Variants in PCDHA8 observed in about 807,000 individuals in gnomAD.
PCDHA8 encodes the protein protocadherin alpha-8.
A neutral mutation model predicts 61.8 loss-of-function variants in PCDHA8; 53 were observed. That is an observed-to-expected ratio of 0.86 (90% CI 0.69 to 1.08). The LOEUF (loss-of-function observed/expected upper bound fraction) is 1.08. Ranked by LOEUF, PCDHA8 falls within the 50% of genes least tolerant of loss-of-function variation. The pLI is 0.00. For synonymous variants in PCDHA8, 618 were observed against 556.6 expected, an observed-to-expected ratio of 1.11 and a Z score of -1.55; for missense variants, 1,293 against 1,245.0, an observed-to-expected ratio of 1.04 and a Z score of -0.58.
chr5:140,877,321 G>A (rs1554169599), intron 1 of PCDHA8: 2 of 1,614,000 alleles, frequency 1.2e-6, no homozygotes, highest in South Asian at 2.2e-5. Context: ...GGCGGCGGTC[G>A]GCGCGCACAT....
rs2098417240 is a variant in PCDHA8 at position 141,010,418 on chromosome 5, G to A, written c.*481G>A. Reference sequence around the variant, plus strand: ...AGCCAGCTTAGACTAATTGGTACAAGGAAGGCAAGAAAACAAAGACAAATA... The same window carrying A: ...AGCCAGCTTAGACTAATTGGTACAAAGAAGGCAAGAAAACAAAGACAAATA... On this transcript the variant is annotated 3_prime_UTR_variant, in exon 4 of 4. Coordinates refer to ENST00000531613, the MANE Select transcript of PCDHA8 (RefSeq NM_018911.3). The A allele has an allele frequency of 3.4e-6, 4 of 1,168,142 alleles. No homozygotes were observed. The East Asian group carries it at 1.0e-4, about 30-fold the overall frequency. The allele number at this position is 1,168,142 out of a possible 1,614,324, so 72.4% of individuals were successfully genotyped here. A position where few individuals can be genotyped will look rare whatever the true frequency, so the allele number is the denominator to read the frequency against.
In PCDHA8 at chr5:141,010,237, G is replaced by C; in HGVS notation, c.*300G>C. 2.6e-6 allele frequency: 4 copies of C among 1,551,914 alleles called. No individual in the cohort carries two copies. The highest frequency in any genetic ancestry group is 3.5e-6 in the Non-Finnish European group (4 of 1,147,042). On this transcript the variant is annotated 3_prime_UTR_variant, in exon 4 of 4. Coordinates refer to ENST00000531613, the MANE Select transcript of PCDHA8 (RefSeq NM_018911.3). ...AGAGGCTTCCCAGCCCCGCCAGTGA[G>C]AGGTTGGACTCTCTGCCCTGTGCTC...
Position 140,841,814 on chromosome 5 carries a change from A to G in PCDHA8, c.493A>G (p.Asn165Asp). 6.2e-7 allele frequency: 1 copy of G among 1,613,908 alleles called. No individual in the cohort carries two copies. Among genetic ancestry groups the G allele is most frequent in the Non-Finnish European group, 8.5e-7 (1 of 1,179,870 alleles). Reference protein sequence around the residue: ...EGASDADVGANSVLTYRLSSH... With the variant: ...EGASDADVGADSVLTYRLSSH... ...CGCGTCCGATGCAGATGTTGGAGCT[A>G]ACTCCGTGTTAACCTACAGGCTTAG... Residue 165 changes from asparagine (N) to aspartate (D), a missense_variant, in exon 1 of 4, where the codon AAC becomes GAC. Coordinates refer to ENST00000531613, the MANE Select transcript of PCDHA8 (RefSeq NM_018911.3).
chr5:140,856,448 G>GT (rs1562509895), intron 1 of PCDHA8: 1 of 1,598,390 alleles, frequency 6.3e-7, no homozygotes, highest in East Asian at 2.2e-5. Flanking sequence ...CAGGTTCTCC[G>GT]TAACAGAACA....
chr5:140,933,739 G>A (rs531821370), intron 1 of PCDHA8, among the ~76,000 whole-genome samples: 18 of 151,856 alleles, frequency 1.2e-4, no homozygotes, highest in Admixed American at 3.9e-4. Flanking sequence ...TTAAATATTT[G>A]GTAGAATTCA....
chr5:140,927,907 G>T, intron 1 of PCDHA8: 1 of 1,614,156 alleles, frequency 6.2e-7, no homozygotes, highest in Non-Finnish European at 8.5e-7. Context: ...TCATGCCCCC[G>T]AACTGGACTT....
At chr5:140,940,139 C>G (rs984432706) in intron 1 of PCDHA8, among the ~76,000 whole-genome samples, 16 of 152,010 alleles carry the variant, frequency 1.1e-4, no homozygotes, top group Admixed American at 1.0e-3. Context: ...TAGTGATAAA[C>G]TATTATAGTT....
At chr5:140,919,254 T>A (rs1554198989) in intron 1 of PCDHA8, among the ~76,000 whole-genome samples, 1 of 152,266 alleles carries the variant, frequency 6.6e-6, no homozygotes. Context: ...CTGTTTTGTC[T>A]GATATTAGTG....
chr5:141,007,311 G>T (rs1268953957), intron 3 of PCDHA8, among the ~76,000 whole-genome samples: 1 of 151,596 alleles, frequency 6.6e-6, no homozygotes, highest in Non-Finnish European at 1.5e-5. Context: ...AGCATTTTGG[G>T]AGGCTAAAGT....
intron 1 of PCDHA8, among the ~76,000 whole-genome samples, chr5:140,889,657 C>T (rs1411654885): frequency 2.0e-5 from 3 of 152,128 alleles, no homozygotes; most frequent in African/African-American, 7.2e-5. Context: ...GAGATGTCCT[C>T]TTCCCAGCCT....
intron 1 of PCDHA8, chr5:140,866,843 TAAC>T (rs1212569386): frequency 2.6e-5 from 4 of 152,142 alleles, no homozygotes; most frequent in African/African-American, 9.7e-5. Flanking sequence ...CAAAATCAGT[TAAC>T]AATAACTGTA....
intron 1 of PCDHA8, chr5:140,870,384 G>A: frequency 6.2e-7 from 1 of 1,614,230 alleles, no homozygotes; most frequent in African/African-American, 1.3e-5. Context: ...TGACTGCGCG[G>A]GATGGGGGTT....
chr5:140,998,220 C>G (rs1554256199), intron 3 of PCDHA8, among the ~76,000 whole-genome samples: 1 of 152,106 alleles, frequency 6.6e-6, no homozygotes, highest in African/African-American at 2.4e-5. Context: ...ATAACCACAC[C>G]CAGAAATTTG....
chr5:140,925,124 A>AGG (rs1554202565), intron 1 of PCDHA8, among the ~76,000 whole-genome samples: 1 of 151,856 alleles, frequency 6.6e-6, no homozygotes, highest in African/African-American at 2.4e-5. Flanking sequence ...GAAGGAAGGA[A>AGG]AAAAAATTTC....
chr5:140,884,441 G>A, intron 1 of PCDHA8: 2 of 1,613,812 alleles, frequency 1.2e-6, no homozygotes, highest in Non-Finnish European at 1.7e-6. Flanking sequence ...GCGGTGCTCG[G>A]CACCGCCCAC....
At chr5:140,866,951 G>C (rs1207354253) in intron 1 of PCDHA8, 1 of 152,106 alleles carries the variant, frequency 6.6e-6, no homozygotes, top group African/African-American at 2.4e-5. Flanking sequence ...CTAGGGGCTG[G>C]TTGAGATGGT....
intron 1 of PCDHA8, chr5:140,876,989 G>T (rs781957201): frequency 1.2e-6 from 2 of 1,612,664 alleles, no homozygotes; most frequent in South Asian, 1.1e-5. Context: ...GCACTGTCGA[G>T]CTACGTGTCG....
chr5:140,843,269 C>T lies in PCDHA8; in HGVS notation c.1948C>T (p.Leu650=). ...ADSPRHRLLV[L]VKDHGEPALT... The stretch of plus-strand genomic sequence containing the variant: ...CTCTCCGCGCCACCGTCTGCTGGTC[C>T]TGGTGAAGGATCATGGTGAACCTGC... Residue 650 remains leucine (L), a synonymous_variant, in exon 1 of 4, where the codon CTG becomes TTG. Coordinates refer to ENST00000531613, the MANE Select transcript of PCDHA8 (RefSeq NM_018911.3). 6.3e-7 allele frequency: 1 copy of T among 1,596,112 alleles called. No individual in the cohort carries two copies. Among genetic ancestry groups the T allele is most frequent in the Non-Finnish European group, 8.6e-7 (1 of 1,165,598 alleles).
At chr5:140,939,335 T>A (rs1195092720) in intron 1 of PCDHA8, among the ~76,000 whole-genome samples, 2 of 152,080 alleles carry the variant, frequency 1.3e-5, no homozygotes, top group Non-Finnish European at 2.9e-5. Context: ...ATCTTAGGGG[T>A]TAGCATTTCA....
Sources: allele counts gnomAD v4.1 joint callset (sites outside exome capture counted in the v4.1 genomes callset), GRCh38; gene constraint gnomAD v4.1.1; transcripts MANE v1.5; gene names NCBI Gene and HGNC (gene_info 2026-07-23, HGNC 2026-07-21).